The following TEAD1 variants were observed in gnomAD, a reference collection of about 807,000 sequenced individuals.
The protein encoded by TEAD1 is transcriptional enhancer factor TEF-1.
In TEAD1, 9 loss-of-function variants were observed where a neutral mutation model predicts 54.9. That is an observed-to-expected ratio of 0.16 (90% CI 0.10 to 0.29). The LOEUF (loss-of-function observed/expected upper bound fraction) is 0.29. Ranked by LOEUF, TEAD1 falls within the 10% of genes least tolerant of loss-of-function variation. The pLI is 1.00. For synonymous variants in TEAD1, 200 were observed against 187.8 expected, an observed-to-expected ratio of 1.07 and a Z score of -0.53; for missense variants, 387 against 535.9, an observed-to-expected ratio of 0.72 and a Z score of 2.74.
intron 2 of TEAD1, among the ~76,000 whole-genome samples, chr11:12,746,462 T>A (rs1257032711): frequency 1.3e-5 from 2 of 152,208 alleles, no homozygotes; most frequent in Non-Finnish European, 2.9e-5. Context: ...CCCCGTCTTG[T>A]CCTAAAATAA....
Position 12,787,565 on chromosome 11 carries a change from C to G in TEAD1, c.202+23131C>G, listed in dbSNP as rs185784670. On this transcript the variant is annotated intron_variant, in intron 3 of 12. Coordinates refer to ENST00000527636, the MANE Select transcript of TEAD1 (RefSeq NM_021961.6). The stretch of plus-strand genomic sequence containing the variant: ...TTGCACAGATTAAATTTAAATTGTT[C>G]ATGAGAGCTAAAGAGCTTGAAAGCA... 7.3e-4 allele frequency among the ~76,000 whole-genome samples: 111 copies of G among 152,210 alleles called. 1 individual carries two copies. The highest frequency in any genetic ancestry group is 7.6e-4 in the Non-Finnish European group (52 of 68,010).
At chr11:12,837,197 C>A (rs142780696) in intron 3 of TEAD1, among the ~76,000 whole-genome samples, 1,925 of 152,264 alleles carry the variant, frequency 0.013, 43 homozygotes, top group African/African-American at 0.044. Context: ...TAATTGGTTA[C>A]CCTCTTCCTT....
chr11:12,745,260 C>T (rs991999861), intron 2 of TEAD1, among the ~76,000 whole-genome samples: 5 of 152,138 alleles, frequency 3.3e-5, no homozygotes, highest in East Asian at 1.9e-4. Context: ...GATAATTGCA[C>T]GGTGTGATGT....
intron 3 of TEAD1, among the ~76,000 whole-genome samples, chr11:12,818,731 A>C (rs968228407): frequency 1.3e-5 from 2 of 152,212 alleles, no homozygotes; most frequent in African/African-American, 4.8e-5. Context: ...CAGTAGTGTG[A>C]AATTGTCCGC....
chr11:12,826,397 C>T (rs1564953797), intron 3 of TEAD1, among the ~76,000 whole-genome samples: 3 of 152,170 alleles, frequency 2.0e-5, no homozygotes, highest in Admixed American at 1.3e-4. Context: ...CCTTGGATTA[C>T]ACTTTCCCTG....
At chr11:12,930,041 A>AT in intron 11 of TEAD1, 133 bp from the exon 12 acceptor site, 1 of 945,250 alleles carries the variant, frequency 1.1e-6, no homozygotes, top group Non-Finnish European at 1.7e-6. Context: ...AATTAAGTAG[A>AT]TTACGTAAGT....
chr11:12,910,311 T>A (rs140583595), intron 10 of TEAD1, among the ~76,000 whole-genome samples: 1 of 152,342 alleles, frequency 6.6e-6, no homozygotes, highest in East Asian at 1.9e-4. Context: ...CAATTGAGAC[T>A]AATACCTTTG....
intron 2 of TEAD1, among the ~76,000 whole-genome samples, chr11:12,690,436 A>G (rs911856210): frequency 1.3e-5 from 2 of 151,936 alleles, no homozygotes; most frequent in African/African-American, 4.8e-5. Context: ...CCTTTCTTGT[A>G]ATTGATTTGT....
At chr11:12,836,067 A>C (rs566309903) in intron 3 of TEAD1, among the ~76,000 whole-genome samples, 89 of 152,342 alleles carry the variant, frequency 5.8e-4, no homozygotes, top group African/African-American at 1.8e-3. Flanking sequence ...CAATGTATAC[A>C]TATATGATAA....
intron 2 of TEAD1, among the ~76,000 whole-genome samples, chr11:12,727,417 G>T (rs1217557857): frequency 6.6e-6 from 1 of 152,150 alleles, no homozygotes; most frequent in African/African-American, 2.4e-5. Context: ...ATAGTCTGTG[G>T]TAGGCGCTTC....
At chr11:12,717,512 G>T (rs1317156817) in intron 2 of TEAD1, among the ~76,000 whole-genome samples, 1 of 152,192 alleles carries the variant, frequency 6.6e-6, no homozygotes. Flanking sequence ...CATTCTTGCC[G>T]CATGCTGGGA....
rs138921100 is a variant in TEAD1 at position 12,774,374 on chromosome 11, A to G, written c.202+9940A>G. ...GTGGTAAAGTGTGCATTTTTAAAGA[A>G]GGTACCGAAGTAAACCAGGTGCTGA... On this transcript the variant is annotated intron_variant, in intron 3 of 12. Coordinates refer to ENST00000527636, the MANE Select transcript of TEAD1 (RefSeq NM_021961.6). 5.9e-3 allele frequency among the ~76,000 whole-genome samples: 892 copies of G among 152,328 alleles called. 5 individuals carry two copies. The highest frequency in any genetic ancestry group is 0.017 in the Middle Eastern group (5 of 294).
chr11:12,710,857 AGAG>A (rs1392662783), intron 2 of TEAD1, among the ~76,000 whole-genome samples: 5 of 152,124 alleles, frequency 3.3e-5, no homozygotes, highest in African/African-American at 9.7e-5. Context: ...GATGGTATGT[AGAG>A]GAGGAGAGAG....
At chr11:12,714,588 T>C (rs554288724) in intron 2 of TEAD1, among the ~76,000 whole-genome samples, 3 of 152,346 alleles carry the variant, frequency 2.0e-5, no homozygotes, top group African/African-American at 7.2e-5. Context: ...AGGCATGGAC[T>C]CATCCCTCTT....
chr11:12,887,872 C>T (rs748125338), intron 9 of TEAD1, among the ~76,000 whole-genome samples: 3 of 152,150 alleles, frequency 2.0e-5, no homozygotes, highest in Non-Finnish European at 2.9e-5. Flanking sequence ...TTAAAGGGCC[C>T]TAAGTAAGTT....
intron 4 of TEAD1, among the ~76,000 whole-genome samples, chr11:12,863,629 C>G (rs896235097): frequency 5.9e-5 from 9 of 152,186 alleles, no homozygotes; most frequent in Admixed American, 5.9e-4. Flanking sequence ...GTCTGAGTCG[C>G]TGAACTTTTA....
intron 1 of TEAD1, among the ~76,000 whole-genome samples, 156 bp from the exon 2 acceptor site, chr11:12,675,253 G>T (rs1234578908): frequency 1.3e-5 from 2 of 151,902 alleles, no homozygotes; most frequent in African/African-American, 2.4e-5. Context: ...TCGGAGCCCG[G>T]AGCCGGCCTG....
At chr11:12,908,848 A>T (rs1469315602) in intron 10 of TEAD1, among the ~76,000 whole-genome samples, 1 of 148,864 alleles carries the variant, frequency 6.7e-6, no homozygotes, top group African/African-American at 2.5e-5. Context: ...ATGAAATATC[A>T]TGTTAGCTAT....
chr11:12,695,396 T>C (rs990809880), intron 2 of TEAD1, among the ~76,000 whole-genome samples: 13 of 152,256 alleles, frequency 8.5e-5, no homozygotes, highest in Admixed American at 7.9e-4. Context: ...TTTTTCCTTA[T>C]GTTAAGAGAG....
Sources: gnomAD v4.1 joint callset for allele counts (sites outside exome capture counted in the v4.1 genomes callset) on GRCh38, gnomAD v4.1.1 for gene constraint, MANE v1.5 for transcripts, NCBI Gene and HGNC (gene_info 2026-07-23, HGNC 2026-07-21) for gene names.